Variants in LHPP observed in about 807,000 individuals in gnomAD.
The protein encoded by LHPP is phospholysine phosphohistidine inorganic pyrophosphate phosphatase.
A neutral mutation model predicts 30.3 loss-of-function variants in LHPP; 24 were observed. The ratio of observed to expected loss-of-function variants is 0.79; its 90% CI spans 0.57 to 1.11. The LOEUF (loss-of-function observed/expected upper bound fraction) is 1.11. Ranked by LOEUF, LHPP falls within the 50% of genes most tolerant of loss-of-function variation. The pLI, the probability that LHPP is intolerant of heterozygous loss-of-function variation, is 0.00. For missense variants in LHPP, 356 were observed against 367.2 expected (o/e 0.97, Z 0.25); for synonymous variants, 150 against 157.1 (o/e 0.95, Z 0.34).
At chr10:124,608,706 CACCT>C (rs760428957) in intron 6 of LHPP, among the ~76,000 whole-genome samples, 4 of 152,250 alleles carry the variant, frequency 2.6e-5, no homozygotes, top group Non-Finnish European at 4.4e-5. Flanking sequence ...CCACCCCACC[CACCT>C]GCCTACCCAG....
intron 6 of LHPP, among the ~76,000 whole-genome samples, chr10:124,559,871 T>C (rs1042800898): frequency 1.3e-5 from 2 of 152,248 alleles, no homozygotes; most frequent in Non-Finnish European, 2.9e-5. Flanking sequence ...GTAAGTTCCG[T>C]GGAATCAGGC....
chr10:124,557,744 A>G (rs1948327311), intron 6 of LHPP, among the ~76,000 whole-genome samples: 1 of 152,032 alleles, frequency 6.6e-6, no homozygotes, highest in African/African-American at 2.4e-5. Context: ...GATGCCAGGC[A>G]AGGCTGGCCA....
rs949804906 is a variant in LHPP, at chr10:124,496,574, C to T, written c.468-387C>T. ...TTAGCAATTAGGGGTTCGCCACATA[C>T]CCCGTGGACCTGCTGTTCCTTCCCA... On this transcript the variant is annotated intron_variant, in intron 3 of 6. Coordinates refer to ENST00000368842, the MANE Select transcript of LHPP (RefSeq NM_022126.4). This position sits in a 1 kb window ranked among gnomAD's most constrained non-coding sequence, Gnocchi z 4.3. 1.3e-5 allele frequency among the ~76,000 whole-genome samples: 2 copies of T among 152,220 alleles called. No homozygotes were observed. The highest frequency in any genetic ancestry group is 4.8e-5 in the African/African-American group (2 of 41,450).
chr10:124,575,567 GC>G (rs2133985325), intron 6 of LHPP, among the ~76,000 whole-genome samples: 1 of 152,256 alleles, frequency 6.6e-6, no homozygotes, highest in South Asian at 2.1e-4. Flanking sequence ...TCTCCTGGGG[GC>G]AGGAGCTACA....
intron 6 of LHPP, among the ~76,000 whole-genome samples, chr10:124,540,431 T>G (rs1414347164): frequency 2.0e-5 from 3 of 152,234 alleles, no homozygotes; most frequent in African/African-American, 4.8e-5. Flanking sequence ...TTTTCACCAC[T>G]GCCTGGAGCC....
At chr10:124,579,910 T>A (rs1948722617) in intron 6 of LHPP, among the ~76,000 whole-genome samples, 1 of 152,212 alleles carries the variant, frequency 6.6e-6, no homozygotes, top group African/African-American at 2.4e-5. Context: ...AATCCCATTA[T>A]CCCACATCCT....
chr10:124,534,068 T>C (rs1954961470), intron 6 of LHPP, among the ~76,000 whole-genome samples: 1 of 152,106 alleles, frequency 6.6e-6, no homozygotes, highest in Non-Finnish European at 1.5e-5. Context: ...GGTGGGGAGC[T>C]TGGGGGCAGT....
At chr10:124,515,267 G>A (rs775011629) in intron 5 of LHPP, among the ~76,000 whole-genome samples, 6 of 152,090 alleles carry the variant, frequency 3.9e-5, no homozygotes, top group Admixed American at 6.5e-5. Context: ...TTTCCTCTGC[G>A]GTATCTCTTC....
intron 6 of LHPP, among the ~76,000 whole-genome samples, chr10:124,548,804 A>C (rs1482648416): frequency 1.3e-5 from 2 of 152,214 alleles, no homozygotes; most frequent in East Asian, 3.8e-4. Context: ...AAGGCCATAC[A>C]GCTTGTCTGG....
At chr10:124,511,374 C>T (rs1367338114) in intron 5 of LHPP, among the ~76,000 whole-genome samples, 1 of 152,208 alleles carries the variant, frequency 6.6e-6, no homozygotes, top group Admixed American at 6.5e-5. Flanking sequence ...CACCCGTGTG[C>T]ATGACACACT....
intron 6 of LHPP, among the ~76,000 whole-genome samples, chr10:124,546,705 C>CA: frequency 6.6e-6 from 1 of 152,124 alleles, no homozygotes; most frequent in East Asian, 1.9e-4. Context: ...CCACCGCGCC[C>CA]GCCTCATGCG....
chr10:124,503,288 ACT>A (rs1210951862), intron 5 of LHPP, among the ~76,000 whole-genome samples: 3 of 149,734 alleles, frequency 2.0e-5, no homozygotes, highest in African/African-American at 7.4e-5. Context: ...CTGGTCTCAA[ACT>A]CTCAATCTCA....
chr10:124,482,587 G>T (rs573521969), intron 1 of LHPP, among the ~76,000 whole-genome samples: 2 of 152,048 alleles, frequency 1.3e-5, no homozygotes, highest in Non-Finnish European at 2.9e-5. Flanking sequence ...TGATCTTGGC[G>T]AGGGAGCCAG....
At chr10:124,524,587 C>A (rs993636660) in intron 6 of LHPP, among the ~76,000 whole-genome samples, 1 of 152,126 alleles carries the variant, frequency 6.6e-6, no homozygotes, top group African/African-American at 2.4e-5. Context: ...TTATGTCATA[C>A]TTTCATTTGA....
chr10:124,504,437 T>G, intron 5 of LHPP, among the ~76,000 whole-genome samples: 22 of 15,610 alleles, frequency 1.4e-3, no homozygotes, highest in African/African-American at 2.0e-3. Context: ...ACAGAAAAAA[T>G]GCAAAAAAAA....
At chr10:124,561,386 G>A (rs2133970837) in intron 6 of LHPP, among the ~76,000 whole-genome samples, 1 of 152,190 alleles carries the variant, frequency 6.6e-6, no homozygotes, top group Non-Finnish European at 1.5e-5. Flanking sequence ...CCCCCAGCTG[G>A]AGCATCAGTG....
intron 6 of LHPP, among the ~76,000 whole-genome samples, chr10:124,575,904 G>C (rs572311170): frequency 6.6e-6 from 1 of 152,342 alleles, no homozygotes; most frequent in Admixed American, 6.5e-5. Context: ...CTGGACGGCA[G>C]AGAGCCAGGG....
At chr10:124,547,709 G>A (rs542425993) in intron 6 of LHPP, among the ~76,000 whole-genome samples, 72 of 151,256 alleles carry the variant, frequency 4.8e-4, no homozygotes, top group African/African-American at 1.3e-3. Context: ...TCTGAGGGAG[G>A]GCTGCTCAGG....
intron 6 of LHPP, among the ~76,000 whole-genome samples, chr10:124,519,706 T>C (rs761905135): frequency 1.1e-4 from 16 of 152,242 alleles, no homozygotes; most frequent in Non-Finnish European, 1.5e-4. Flanking sequence ...TTTCCAGTCC[T>C]GAGTTACCTC....
Sources: allele counts gnomAD v4.1 joint callset (sites outside exome capture counted in the v4.1 genomes callset), GRCh38; gene constraint gnomAD v4.1.1; non-coding constraint Gnocchi (gnomAD v3.1); transcripts MANE v1.5; gene names NCBI Gene and HGNC (gene_info 2026-07-23, HGNC 2026-07-21).